Variants in IQGAP2 observed in about 807,000 individuals in gnomAD.
The protein encoded by IQGAP2 is IQ motif containing GTPase activating protein 2.
Under a neutral mutation model 201.3 loss-of-function variants are expected in IQGAP2, and 173 were observed. The ratio of observed to expected loss-of-function variants is 0.86; its 90% CI spans 0.76 to 0.98. IQGAP2 has a LOEUF of 0.98. Among genes scored for constraint, IQGAP2 ranks in the 50% least tolerant of loss-of-function variants. The probability of loss-of-function intolerance (pLI) is 0.00; values close to 1 mark genes in which losing one functional copy is unlikely to be tolerated. For synonymous variants in IQGAP2, 675 were observed against 673.9 expected (o/e 1.00, Z -0.03); for missense variants, 1,687 against 1,864.8 (o/e 0.90, Z 1.76).
chr5:76,631,371 T>C (rs373612007), intron 14 of IQGAP2, among the ~76,000 whole-genome samples: 1 of 152,166 alleles, frequency 6.6e-6, no homozygotes, highest in East Asian at 1.9e-4. Flanking sequence ...AGCTCTGCCT[T>C]TCTAGAACAC....
intron 2 of IQGAP2, chr5:76,547,405 G>A: frequency 1.0e-6 from 1 of 971,756 alleles, no homozygotes; most frequent in Non-Finnish European, 1.2e-6. Flanking sequence ...CTTGCTTGGG[G>A]CTTAGAAGAG....
intron 2 of IQGAP2, among the ~76,000 whole-genome samples, chr5:76,539,778 A>G (rs543978179): frequency 6.6e-6 from 1 of 152,146 alleles, no homozygotes; most frequent in Non-Finnish European, 1.5e-5. Context: ...TGAGTAGGGT[A>G]CTTAGCCCTG....
At chr5:76,498,824 G>T (rs1446685970) in intron 2 of IQGAP2, among the ~76,000 whole-genome samples, 1 of 152,218 alleles carries the variant, frequency 6.6e-6, no homozygotes, top group South Asian at 2.1e-4. Flanking sequence ...AGAATCAGTG[G>T]AAGAGACAAT....
At chr5:76,673,335 A>C in intron 24 of IQGAP2, 114 bp from the exon 25 acceptor site, 1 of 1,007,690 alleles carries the variant, frequency 9.9e-7, no homozygotes, top group Non-Finnish European at 1.4e-6. Flanking sequence ...TTGTTACTGG[A>C]GTCAGTGGCA....
chr5:76,617,810 A>G (rs747905259), intron 13 of IQGAP2: 3 of 1,613,978 alleles, frequency 1.9e-6, no homozygotes, highest in Non-Finnish European at 2.5e-6. Flanking sequence ...TCGCCTTAAC[A>G]TACCACAACC....
chr5:76,488,775 G>A (rs1246777496), intron 2 of IQGAP2, among the ~76,000 whole-genome samples: 1 of 152,178 alleles, frequency 6.6e-6, no homozygotes, highest in Non-Finnish European at 1.5e-5. Flanking sequence ...CTTATATTAG[G>A]AAGATTAGCC....
chr5:76,434,555 A>G (rs998830685), intron 1 of IQGAP2, among the ~76,000 whole-genome samples: 1 of 152,186 alleles, frequency 6.6e-6, no homozygotes, highest in Non-Finnish European at 1.5e-5. Context: ...CTAGTATTCC[A>G]TAGTATATAT....
intron 17 of IQGAP2, among the ~76,000 whole-genome samples, chr5:76,650,720 C>A (rs554750504): frequency 6.6e-6 from 1 of 152,222 alleles, no homozygotes; most frequent in African/African-American, 2.4e-5. Context: ...TTTGCTGCGC[C>A]CACTAACTCG....
At chr5:76,493,613 G>A (rs923575601) in intron 2 of IQGAP2, among the ~76,000 whole-genome samples, 3 of 152,066 alleles carry the variant, frequency 2.0e-5, no homozygotes, top group Admixed American at 6.6e-5. Flanking sequence ...CACCCCATAG[G>A]TGGCTCTTTT....
intron 2 of IQGAP2, among the ~76,000 whole-genome samples, chr5:76,490,956 A>G (rs1756499251): frequency 6.6e-6 from 1 of 150,820 alleles, no homozygotes; most frequent in Admixed American, 6.6e-5. Context: ...TGAATATGAC[A>G]TTTAGAATAT....
intron 9 of IQGAP2, among the ~76,000 whole-genome samples, chr5:76,596,723 G>T (rs1229700507): frequency 6.6e-6 from 1 of 152,170 alleles, no homozygotes; most frequent in African/African-American, 2.4e-5. Flanking sequence ...ACACTTAACC[G>T]TATCTCGTGA....
intron 2 of IQGAP2, among the ~76,000 whole-genome samples, chr5:76,509,687 C>G (rs1212812859): frequency 6.6e-6 from 1 of 152,110 alleles, no homozygotes; most frequent in Non-Finnish European, 1.5e-5. Flanking sequence ...AGCCACTGTG[C>G]CCAGATTCCT....
intron 17 of IQGAP2, among the ~76,000 whole-genome samples, chr5:76,644,868 T>C (rs1159480058): frequency 6.6e-6 from 1 of 152,218 alleles, no homozygotes; most frequent in Non-Finnish European, 1.5e-5. Flanking sequence ...TTTATTATTA[T>C]GCTTTAAGTT....
chr5:76,506,004 C>G (rs1394285292), intron 2 of IQGAP2, among the ~76,000 whole-genome samples: 1 of 152,146 alleles, frequency 6.6e-6, no homozygotes, highest in East Asian at 1.9e-4. Context: ...GTAGCAGATA[C>G]TGTGCTAGGT....
chr5:76,599,349 G>C (rs1747266355), intron 10 of IQGAP2, among the ~76,000 whole-genome samples: 1 of 151,794 alleles, frequency 6.6e-6, no homozygotes, highest in Non-Finnish European at 1.5e-5. Flanking sequence ...CACTTCTCTG[G>C]CTCTGAAGCT....
intron 18 of IQGAP2, 97 bp from the exon 19 acceptor site, chr5:76,654,103 A>C: frequency 1.3e-6 from 1 of 771,894 alleles, no homozygotes; most frequent in Non-Finnish European, 2.1e-6. Flanking sequence ...TTGTTTTTAG[A>C]AAAACTACAC....
chr5:76,421,418 A>G (rs898494122), intron 1 of IQGAP2, among the ~76,000 whole-genome samples: 1 of 152,262 alleles, frequency 6.6e-6, no homozygotes, highest in East Asian at 1.9e-4. Flanking sequence ...GTTGGAGATC[A>G]GCCTGGGCAA....
chr5:76,524,864 G>A (rs925463728), intron 2 of IQGAP2, among the ~76,000 whole-genome samples: 9 of 152,084 alleles, frequency 5.9e-5, no homozygotes, highest in African/African-American at 1.9e-4. Flanking sequence ...TCCTTCCTAC[G>A]ACTCTTCTAT....
intron 13 of IQGAP2, chr5:76,623,535 TC>T: frequency 3.3e-6 from 1 of 305,364 alleles, no homozygotes; most frequent in East Asian, 5.8e-5. Context: ...GCTGTAATTC[TC>T]CCCTAGTAGA....
Sources: gnomAD v4.1 joint callset for allele counts (sites outside exome capture counted in the v4.1 genomes callset) on GRCh38, gnomAD v4.1.1 for gene constraint, MANE v1.5 for transcripts, NCBI Gene and HGNC (gene_info 2026-07-23, HGNC 2026-07-21) for gene names.